Variants in ATP6V0A4 observed in about 807,000 individuals in gnomAD.
ATP6V0A4 encodes ATPase H+ transporting V0 subunit a4.
ATP6V0A4 carries 86 observed loss-of-function variants against 107.3 expected under a neutral mutation model. That is an observed-to-expected ratio of 0.80 (90% CI 0.67 to 0.96). ATP6V0A4 has a LOEUF of 0.96. Among genes scored for constraint, ATP6V0A4 ranks in the 40% least tolerant of loss-of-function variants. ATP6V0A4 has a pLI of 0.00. For missense variants in ATP6V0A4, 908 were observed against 1,045.6 expected, an observed-to-expected ratio of 0.87 and a Z score of 1.81; for synonymous variants, 353 against 381.4, an observed-to-expected ratio of 0.93 and a Z score of 0.87.
intron 18 of ATP6V0A4, among the ~76,000 whole-genome samples, chr7:138,728,210 G>A (rs1804815007): frequency 6.6e-6 from 1 of 150,692 alleles, no homozygotes; most frequent in African/African-American, 2.4e-5. Flanking sequence ...AAGTCTGTCA[G>A]ACATAAGGTT....
At chr7:138,730,931 CTTTTTTTATTT>C (rs1324656925) in intron 17 of ATP6V0A4, among the ~76,000 whole-genome samples, 1 of 123,758 alleles carries the variant, frequency 8.1e-6, no homozygotes, top group African/African-American at 3.1e-5. Flanking sequence ...TCTTCTTCTT[CTTTTTTTATTT>C]TTTTTTTTGA....
intron 1 of ATP6V0A4, among the ~76,000 whole-genome samples, chr7:138,789,771 G>A (rs1808321026): frequency 6.6e-6 from 1 of 150,940 alleles, no homozygotes; most frequent in South Asian, 2.1e-4. Context: ...GGGAGTTTGA[G>A]ACCAGCCTGA....
chr7:138,736,263 A>T (rs973581407), intron 15 of ATP6V0A4, among the ~76,000 whole-genome samples: 70 of 152,098 alleles, frequency 4.6e-4, no homozygotes, highest in Admixed American at 7.9e-4. Flanking sequence ...AATAAATAAA[A>T]AGAAAATTTT....
intron 18 of ATP6V0A4, among the ~76,000 whole-genome samples, chr7:138,722,506 A>G (rs1158068385): frequency 6.6e-6 from 1 of 151,546 alleles, no homozygotes; most frequent in East Asian, 1.9e-4. Flanking sequence ...CTCTACTAAA[A>G]ATACAAAAAT....
intron 2 of ATP6V0A4, among the ~76,000 whole-genome samples, chr7:138,784,270 A>ATATATACATATATATATACATG (rs1808071384): frequency 3.0e-5 from 1 of 33,382 alleles, no homozygotes; most frequent in African/African-American, 1.0e-4. Flanking sequence ...ATATATACAT[A>ATATATACATATATATATACATG]TATATATATA....
At chr7:138,730,508 G>C (rs764219513) in intron 17 of ATP6V0A4, among the ~76,000 whole-genome samples, 1 of 152,042 alleles carries the variant, frequency 6.6e-6, no homozygotes, top group Non-Finnish European at 1.5e-5. Flanking sequence ...ACTGTATCAA[G>C]ACAATTAATC....
chr7:138,736,867 G>A (rs1033225573), intron 15 of ATP6V0A4, among the ~76,000 whole-genome samples: 16 of 151,898 alleles, frequency 1.1e-4, no homozygotes, highest in Non-Finnish European at 1.0e-4. Flanking sequence ...CATCGCGCCC[G>A]GCCTAGGGCT....
At position 138,722,359 on chromosome 7, in the gene ATP6V0A4, T is replaced by G. The variant is rs188554079; in HGVS notation, c.2011-334A>C. Reference sequence around the variant, plus strand: ...ATAAATAAATAAAATAAAATAAAAATAAAAAAAGAAAAGAAATGTGCCCAG... The same window carrying G: ...ATAAATAAATAAAATAAAATAAAAAGAAAAAAAGAAAAGAAATGTGCCCAG... On this transcript the variant is annotated intron_variant, in intron 18 of 21. Coordinates refer to ENST00000310018, the MANE Select transcript of ATP6V0A4 (RefSeq NM_020632.3). Among the ~76,000 whole-genome samples the G allele has an allele frequency of 0.014, 2,137 of 149,392 alleles. 21 individuals carry two copies. Among genetic ancestry groups the G allele is most frequent in the Non-Finnish European group, 0.021 (1,387 of 67,236 alleles).
At chr7:138,758,446 GT>G (rs1263216322) in intron 8 of ATP6V0A4, among the ~76,000 whole-genome samples, 1 of 151,902 alleles carries the variant, frequency 6.6e-6, no homozygotes, top group Non-Finnish European at 1.5e-5. Flanking sequence ...GAATTTTGTT[GT>G]TTTTTCATTA....
chr7:138,732,864 A>AG lies in ATP6V0A4; in HGVS notation c.1908+12_1908+13insC. 6.3e-7 allele frequency: 1 copy of AG among 1,580,522 alleles called. No homozygotes were observed. The highest frequency in any genetic ancestry group is 1.2e-5 in the South Asian group (1 of 85,712). On this transcript the variant is annotated intron_variant, in intron 17 of 21. Transcript: ENST00000310018. ...ATAAAAGAAGAGTAAAAAAAAAAAA[A>AG]TAGCAGAAATACCTGATGTTTGTAG...
At chr7:138,793,171 T>C (rs1808504887) in intron 1 of ATP6V0A4, among the ~76,000 whole-genome samples, 1 of 152,080 alleles carries the variant, frequency 6.6e-6, no homozygotes, top group Admixed American at 6.6e-5. Context: ...GGCACACGCC[T>C]GTAATCCCAG....
chr7:138,720,024 C>CAA (rs35453846), intron 19 of ATP6V0A4, among the ~76,000 whole-genome samples: 212 of 135,784 alleles, frequency 1.6e-3, no homozygotes, highest in African/African-American at 4.8e-3. Context: ...GACTCTGTCT[C>CAA]AAAAAAAAAA....
chr7:138,769,185 C>A lies in ATP6V0A4; in HGVS notation c.184G>T (p.Glu62Ter). The part of the protein sequence containing the change: ...VNEVRRCESL[E>*]RILRFLEDEM... ...AAAATTGGCTTACGGAGGATTCTCTCCAGTGATTCACACCTTCTGACTTCA... is the reference window on the plus strand; with the variant it reads ...AAAATTGGCTTACGGAGGATTCTCTACAGTGATTCACACCTTCTGACTTCA... The change falls in exon 4 of 22, where the codon GAG becomes TAG. Residue 62 changes from glutamate (E) to a stop codon, truncating the protein, a stop_gained. Transcript: ENST00000310018. LOFTEE classifies it high-confidence loss of function. 1 of 1,611,242 alleles carries A rather than the reference C, an allele frequency of 6.2e-7. No individual in the cohort carries two copies. Among genetic ancestry groups the A allele is most frequent in the Non-Finnish European group, 8.5e-7 (1 of 1,179,878 alleles).
chr7:138,768,184 G>A (rs560192624), intron 5 of ATP6V0A4, among the ~76,000 whole-genome samples: 3 of 152,206 alleles, frequency 2.0e-5, no homozygotes, highest in East Asian at 1.9e-4. Flanking sequence ...CGCCTGCCTC[G>A]GCCTCCCAAA....
chr7:138,771,709 T>G (rs1807399728), intron 2 of ATP6V0A4, among the ~76,000 whole-genome samples: 1 of 152,130 alleles, frequency 6.6e-6, no homozygotes, highest in East Asian at 1.9e-4. Flanking sequence ...AGCCTCAACC[T>G]CCTGGGCTCA....
chr7:138,755,243 T>G (rs1490173051), intron 10 of ATP6V0A4, among the ~76,000 whole-genome samples: 1 of 152,200 alleles, frequency 6.6e-6, no homozygotes, highest in Non-Finnish European at 1.5e-5. Context: ...TTGGGATGAA[T>G]GAATGTTCAC....
In ATP6V0A4 at chr7:138,784,283, T is replaced by C. The variant is rs1206250237; in HGVS notation, c.-18+1875A>G. On this transcript the variant is annotated intron_variant, in intron 2 of 21. Transcript: ENST00000310018. ...ATATATATACATATATATATATACATATATATACACACACACACACACACA... is the reference window on the plus strand; with the variant it reads ...ATATATATACATATATATATATACACATATATACACACACACACACACACA... Among the ~76,000 whole-genome samples the C allele has an allele frequency of 7.7e-3, 239 of 30,972 alleles. 11 individuals are homozygous for C. The South Asian group carries it at 0.16, about 20-fold the overall frequency. 20.3% of individuals were successfully genotyped at this position (30,972 alleles called of 152,430 possible).
intron 21 of ATP6V0A4, among the ~76,000 whole-genome samples, chr7:138,708,971 G>T (rs1235796870): frequency 6.6e-6 from 1 of 152,148 alleles, no homozygotes; most frequent in Non-Finnish European, 1.5e-5. Context: ...CACTTCAGGA[G>T]GCTGAGGCGG....
chr7:138,722,529 C>T (rs1021199176), intron 18 of ATP6V0A4, among the ~76,000 whole-genome samples: 8 of 150,252 alleles, frequency 5.3e-5, no homozygotes, highest in Non-Finnish European at 1.2e-4. Flanking sequence ...GGCCAGGCAC[C>T]GTGGCTCACC....
Sources: gnomAD v4.1 joint callset for allele counts (sites outside exome capture counted in the v4.1 genomes callset) on GRCh38, gnomAD v4.1.1 for gene constraint, MANE v1.5 for transcripts, NCBI Gene and HGNC (gene_info 2026-07-23, HGNC 2026-07-21) for gene names.